RIMS2: variants seen among roughly 807,000 people sequenced by gnomAD.
RIMS2 encodes regulating synaptic membrane exocytosis protein 2.
In RIMS2, 59 loss-of-function variants were observed where a neutral mutation model predicts 174.4. The observed-to-expected ratio is 0.34, with a 90% CI of 0.27 to 0.42. The LOEUF is 0.42. RIMS2 is among the 10% of genes least tolerant of loss of function. The pLI is 1.00. For missense variants in RIMS2, 1,620 were observed against 1,666.3 expected (o/e 0.97, Z 0.48); for synonymous variants, 606 against 572.5 (o/e 1.06, Z -0.84).
intron 21 of RIMS2, among the ~76,000 whole-genome samples, 153 bp downstream of exon 27, chr8:104,248,966 T>C (rs1276040470): frequency 6.7e-6 from 1 of 149,362 alleles, no homozygotes; most frequent in African/African-American, 2.5e-5. Flanking sequence ...TTTCACTCTG[T>C]TGCCCAGGCT....
intron 1 of RIMS2, among the ~76,000 whole-genome samples, chr8:103,656,213 A>G (rs1209837519): frequency 6.6e-6 from 1 of 152,134 alleles, no homozygotes; most frequent in Non-Finnish European, 1.5e-5. Flanking sequence ...TTGGGTCGTG[A>G]TGTTATTAAA....
intron 3 of RIMS2, among the ~76,000 whole-genome samples, chr8:103,800,367 G>T (rs980412914): frequency 2.0e-5 from 3 of 152,034 alleles, no homozygotes; most frequent in African/African-American, 7.2e-5. Context: ...CCACTAAAAT[G>T]TTAGATAGAA....
chr8:103,680,070 A>C (rs1429501028), intron 1 of RIMS2, among the ~76,000 whole-genome samples: 2 of 152,086 alleles, frequency 1.3e-5, no homozygotes, highest in Non-Finnish European at 2.9e-5. Flanking sequence ...TTGACTTCTG[A>C]TCTACATCAC....
chr8:104,167,732 G>C (rs919474703), intron 19 of RIMS2, among the ~76,000 whole-genome samples: 6 of 152,074 alleles, frequency 3.9e-5, no homozygotes, highest in Non-Finnish European at 7.4e-5. Flanking sequence ...TGGAGTTTTA[G>C]TCATGAATTC....
intron 1 of RIMS2, among the ~76,000 whole-genome samples, chr8:103,644,453 T>A (rs2135617918): frequency 6.6e-6 from 1 of 152,228 alleles, no homozygotes; most frequent in East Asian, 1.9e-4. Context: ...TAGAATCTCA[T>A]CAGCTTCTTG....
chr8:103,824,320 G>T (rs1012436941), intron 3 of RIMS2, among the ~76,000 whole-genome samples: 1 of 151,868 alleles, frequency 6.6e-6, no homozygotes, highest in Non-Finnish European at 1.5e-5. Context: ...TTTAATTCTG[G>T]CACTACTCAC....
intron 19 of RIMS2, among the ~76,000 whole-genome samples, chr8:104,137,834 G>C (rs2098533748): frequency 6.6e-6 from 1 of 151,998 alleles, no homozygotes; most frequent in Non-Finnish European, 1.5e-5. Flanking sequence ...ATAATAAGTT[G>C]TTAACTACAG....
At chr8:103,506,685 A>G (rs1823806961) in intron 1 of RIMS2, among the ~76,000 whole-genome samples, 1 of 152,136 alleles carries the variant, frequency 6.6e-6, no homozygotes, top group African/African-American at 2.4e-5. Context: ...GCTGGGTGAA[A>G]TTTTCTTATT....
chr8:103,927,162 G>A (rs1176123060), intron 10 of RIMS2, among the ~76,000 whole-genome samples: 1 of 151,424 alleles, frequency 6.6e-6, no homozygotes, highest in Non-Finnish European at 1.5e-5. Flanking sequence ...TCATTAATAG[G>A]TGTGATTAGC....
At chr8:103,608,577 C>T (rs1057192862) in intron 1 of RIMS2, among the ~76,000 whole-genome samples, 2 of 147,624 alleles carry the variant, frequency 1.4e-5, no homozygotes, top group Admixed American at 1.3e-4. Flanking sequence ...ATGGTGGGCG[C>T]CCCTCCCCCA....
intron 19 of RIMS2, among the ~76,000 whole-genome samples, chr8:104,136,109 C>G (rs1025167820): frequency 6.6e-6 from 1 of 152,182 alleles, no homozygotes; most frequent in African/African-American, 2.4e-5. Flanking sequence ...TCTGTCTACT[C>G]AATATACAAA....
At chr8:103,867,685 T>G (rs1282213726) in intron 3 of RIMS2, among the ~76,000 whole-genome samples, 1 of 151,922 alleles carries the variant, frequency 6.6e-6, no homozygotes, top group Non-Finnish European at 1.5e-5. Flanking sequence ...GATAATAACC[T>G]CGACAAAGAT....
chr8:103,519,724 G>T, intron 1 of RIMS2, among the ~76,000 whole-genome samples: 1 of 140,746 alleles, frequency 7.1e-6, no homozygotes. Flanking sequence ...TGTTTTCGTG[G>T]CTTTACTACT....
chr8:103,647,423 A>T (rs527978753), intron 1 of RIMS2, among the ~76,000 whole-genome samples: 1 of 152,156 alleles, frequency 6.6e-6, no homozygotes, highest in African/African-American at 2.4e-5. Context: ...TGGTATCAGT[A>T]TGATGTTGAC....
chr8:103,959,223 A>AG (rs5893670), intron 14 of RIMS2, among the ~76,000 whole-genome samples: 101,517 of 151,918 alleles, frequency 0.67, 34,730 homozygotes, highest in African/African-American at 0.7. Context: ...AGGAAGTGAA[A>AG]GAGAAATTGC....
chr8:103,791,973 G>A (rs2098503312), intron 3 of RIMS2, among the ~76,000 whole-genome samples: 1 of 152,016 alleles, frequency 6.6e-6, no homozygotes, highest in Non-Finnish European at 1.5e-5. Context: ...ATAATAATGG[G>A]ACACTTTAAC....
At chr8:103,955,992 C>A (rs2087058110) in intron 14 of RIMS2, among the ~76,000 whole-genome samples, 1 of 152,060 alleles carries the variant, frequency 6.6e-6, no homozygotes, top group African/African-American at 2.4e-5. Flanking sequence ...GAGTGAAATC[C>A]CATTCACAAT....
At chr8:104,071,971 C>G (rs1480669532) in intron 19 of RIMS2, among the ~76,000 whole-genome samples, 1 of 152,100 alleles carries the variant, frequency 6.6e-6, no homozygotes, top group Admixed American at 6.6e-5. Flanking sequence ...TCTGACAAAT[C>G]CTACTGAATG....
At chr8:104,099,264 G>GTT (rs2097823365) in intron 19 of RIMS2, among the ~76,000 whole-genome samples, 1 of 151,994 alleles carries the variant, frequency 6.6e-6, no homozygotes, top group Admixed American at 6.6e-5. Flanking sequence ...GTTTTGTTTT[G>GTT]TTTTTAATTT....
Sources: gnomAD v4.1 joint callset for allele counts (sites outside exome capture counted in the v4.1 genomes callset) on GRCh38, gnomAD v4.1.1 for gene constraint, MANE v1.5 for transcripts, NCBI Gene and HGNC (gene_info 2026-07-23, HGNC 2026-07-21) for gene names.